The following PHF3 variants were observed in gnomAD, a reference collection of about 807,000 sequenced individuals.
The protein encoded by PHF3 is PHD finger protein 3.
Under a neutral mutation model 178.4 loss-of-function variants are expected in PHF3, and 41 were observed. The ratio of observed to expected loss-of-function variants is 0.23; its 90% confidence interval spans 0.18 to 0.30. The LOEUF is 0.30. Ranked by LOEUF, PHF3 falls within the 10% of genes least tolerant of loss-of-function variation. PHF3 has a pLI of 1.00. For missense variants in PHF3, 2,346 were observed against 2,398.1 expected, an observed-to-expected ratio of 0.98 and a Z score of 0.45; for synonymous variants, 842 against 800.5, an observed-to-expected ratio of 1.05 and a Z score of -0.88.
At position 63,716,585 on chromosome 6, in the gene PHF3, C is replaced by G. The variant is rs983770851; in HGVS notation, c.*2877C>G. Among the ~76,000 whole-genome samples the G allele has an allele frequency of 1.3e-5, 2 of 152,064 alleles. No homozygotes were observed. Among genetic ancestry groups the G allele is most frequent in the Non-Finnish European group, 2.9e-5 (2 of 67,994 alleles). ...CACACAAATTTATGATCTTACGGTT[C>G]TGTGGATCAGAAGTCTGTGCAGATC... On this transcript the variant is annotated 3_prime_UTR_variant, in exon 16 of 16. Transcript: ENST00000262043.
intron 2 of PHF3, among the ~76,000 whole-genome samples, chr6:63,666,380 CAT>C (rs970391625): frequency 7.9e-5 from 12 of 151,636 alleles, no homozygotes; most frequent in African/African-American, 1.7e-4. Flanking sequence ...TATATATTTA[CAT>C]ATATATATGT....
rs1304233479 is a variant in PHF3, at chr6:63,635,828, T to G, written c.-348T>G. ...GTGGGGTCACGTGACACGGCCCCTCTCCAGCTCCCGCGCCGCCGCCGCACG... is the reference window on the plus strand; with the variant it reads ...GTGGGGTCACGTGACACGGCCCCTCGCCAGCTCCCGCGCCGCCGCCGCACG... On this transcript the variant is annotated 5_prime_UTR_variant, in exon 1 of 16. Transcript: ENST00000262043. 5.1e-6 allele frequency: 2 copies of G among 395,460 alleles called. No homozygotes were observed. Among genetic ancestry groups the G allele is most frequent in the African/African-American group, 2.1e-5 (1 of 48,426 alleles). 24.5% of individuals were successfully genotyped at this position (395,460 alleles called of 1,614,324 possible).
At chr6:63,665,572 C>T (rs762870964) in intron 2 of PHF3, among the ~76,000 whole-genome samples, 15 of 148,152 alleles carry the variant, frequency 1.0e-4, no homozygotes, top group Middle Eastern at 3.6e-3. Flanking sequence ...CTGCAACCTC[C>T]GCCTCCGGCT....
At chr6:63,657,737 A>G (rs779293999) in intron 2 of PHF3, among the ~76,000 whole-genome samples, 43 of 152,318 alleles carry the variant, frequency 2.8e-4, no homozygotes, top group Non-Finnish European at 4.7e-4. Context: ...TCAAGGGTCA[A>G]CTGAATAAAT....
chr6:63,694,778 C>A lies in PHF3; in HGVS notation c.2680+14C>A, dbSNP rs374458926. On this transcript the variant is annotated intron_variant, in intron 6 of 15. Transcript: ENST00000262043. ...CTTCAAAACCAGGTAGTGAGATGAACAGAAAAAATTATATACTAATATATT... is the reference window on the plus strand; with the variant it reads ...CTTCAAAACCAGGTAGTGAGATGAAAAGAAAAAATTATATACTAATATATT... 4.3e-6 allele frequency: 6 copies of A among 1,403,340 alleles called. No homozygotes were observed. The highest frequency in any genetic ancestry group is 3.6e-5 in the South Asian group (2 of 54,974). 86.9% of individuals were successfully genotyped at this position (1,403,340 alleles called of 1,614,324 possible).
intron 3 of PHF3, among the ~76,000 whole-genome samples, chr6:63,683,851 A>G (rs1294752011): frequency 6.6e-6 from 1 of 152,074 alleles, no homozygotes; most frequent in Non-Finnish European, 1.5e-5. Flanking sequence ...ATTTGATGAA[A>G]ACATTTCTTT....
chr6:63,681,749 AAAAAT>A (rs1766447965), intron 3 of PHF3, among the ~76,000 whole-genome samples: 1 of 152,086 alleles, frequency 6.6e-6, no homozygotes, highest in Non-Finnish European at 1.5e-5. Flanking sequence ...TTATTTTAAA[AAAAAT>A]GTTTAAAAAG....
intron 2 of PHF3, among the ~76,000 whole-genome samples, chr6:63,661,912 C>A (rs1367555794): frequency 6.6e-6 from 1 of 152,172 alleles, no homozygotes; most frequent in Non-Finnish European, 1.5e-5. Context: ...GGTCCCCAGA[C>A]TGTGGGCCAT....
chr6:63,660,844 A>G (rs1937453754), intron 2 of PHF3, among the ~76,000 whole-genome samples: 1 of 152,164 alleles, frequency 6.6e-6, no homozygotes. Flanking sequence ...ACTGCTCACT[A>G]TAAAAGGCAA....
chr6:63,672,696 A>G (rs1487134046), intron 2 of PHF3, among the ~76,000 whole-genome samples: 4 of 152,158 alleles, frequency 2.6e-5, no homozygotes, highest in Non-Finnish European at 5.9e-5. Flanking sequence ...CTCTACTTCT[A>G]TATTTGAGTC....
intron 2 of PHF3, among the ~76,000 whole-genome samples, chr6:63,653,782 T>A (rs988491320): frequency 2.0e-5 from 3 of 152,174 alleles, no homozygotes; most frequent in Non-Finnish European, 4.4e-5. Flanking sequence ...TGTCATGCCT[T>A]TATTGTGTTG....
rs369388279 is a variant in PHF3 at position 63,684,576 on chromosome 6, T to C, written c.854T>C (p.Leu285Ser). Reference sequence around the variant, plus strand: ...AAAGCCAAGCCTGTTGGTAGTCCATTGTTTAAGTTTTCAGATAAAGAAGAA... The same window carrying C: ...AAAGCCAAGCCTGTTGGTAGTCCATCGTTTAAGTTTTCAGATAAAGAAGAA... Reference protein sequence around the residue: ...ECKAKPVGSPLFKFSDKEEHE... With the variant: ...ECKAKPVGSPSFKFSDKEEHE... Residue 285 changes from leucine to serine, a missense_variant, in exon 4 of 16, where the codon TTG (leucine) becomes TCG (serine). Transcript: ENST00000262043. 1 of 1,613,992 alleles carries C rather than the reference T, an allele frequency of 6.2e-7. No homozygotes were observed. Among genetic ancestry groups the C allele is most frequent in the Non-Finnish European group, 8.5e-7 (1 of 1,179,918 alleles).
chr6:63,657,255 T>A (rs1765273850), intron 2 of PHF3, among the ~76,000 whole-genome samples: 1 of 152,216 alleles, frequency 6.6e-6, no homozygotes, highest in South Asian at 2.1e-4. Context: ...CTTTATTCCA[T>A]GTTTTTAGTA....
chr6:63,660,639 C>G (rs1765427019), intron 2 of PHF3, among the ~76,000 whole-genome samples: 1 of 152,074 alleles, frequency 6.6e-6, no homozygotes, highest in Non-Finnish European at 1.5e-5. Flanking sequence ...CATAAACTTA[C>G]TGGGAGAGGT....
At chr6:63,648,269 C>T (rs1764874054) in intron 2 of PHF3, among the ~76,000 whole-genome samples, 1 of 152,048 alleles carries the variant, frequency 6.6e-6, no homozygotes, top group South Asian at 2.1e-4. Context: ...AAGTTTTTTA[C>T]TTTGGTGCTT....
intron 2 of PHF3, among the ~76,000 whole-genome samples, chr6:63,649,195 A>G (rs574521595): frequency 3.6e-4 from 54 of 151,830 alleles, no homozygotes; most frequent in African/African-American, 9.7e-4. Flanking sequence ...CCTCCGGCCT[A>G]TGTCTCACAG....
chr6:63,691,221 A>T (rs1561970239), intron 4 of PHF3, among the ~76,000 whole-genome samples: 1 of 152,118 alleles, frequency 6.6e-6, no homozygotes, highest in Non-Finnish European at 1.5e-5. Context: ...CTAGTTTTTG[A>T]GTTCCATTTT....
At chr6:63,649,994 T>C (rs1244462131) in intron 2 of PHF3, among the ~76,000 whole-genome samples, 1 of 152,246 alleles carries the variant, frequency 6.6e-6, no homozygotes. Context: ...AACAAATGTG[T>C]TCCCTTTTTA....
chr6:63,712,343 T>G lies in PHF3; in HGVS notation c.4755T>G (p.Thr1585=), dbSNP rs760285522. 1.1e-5 allele frequency: 18 copies of G among 1,613,310 alleles called. No homozygotes were observed. In the Admixed American group the frequency reaches 3.0e-4, roughly 27 times the overall value. The change falls in exon 16 of 16, where the codon ACT becomes ACG. Residue 1585 remains threonine (T), a synonymous_variant. Transcript: ENST00000262043. ...NLSIQSKQEE[T]VESKEKTLKR... is the part of the protein sequence containing the mutation. ...CAATTCAGTCAAAACAAGAGGAAACTGTGGAGAGTAAAGAGAAAACATTAA... is the reference window on the plus strand; with the variant it reads ...CAATTCAGTCAAAACAAGAGGAAACGGTGGAGAGTAAAGAGAAAACATTAA...
Sources: allele counts gnomAD v4.1 joint callset (sites outside exome capture counted in the v4.1 genomes callset), GRCh38; gene constraint gnomAD v4.1.1; transcripts MANE v1.5; gene names NCBI Gene and HGNC (gene_info 2026-07-23, HGNC 2026-07-21).